TULP3: variants seen among roughly 807,000 people sequenced by gnomAD.
TULP3 encodes tubby-related protein 3.
In TULP3, 38 loss-of-function variants were observed where a neutral mutation model predicts 50.7. The ratio of observed to expected loss-of-function variants is 0.75; its 90% CI spans 0.58 to 0.98. The LOEUF is 0.98. Ranked by LOEUF, TULP3 falls within the 50% of genes least tolerant of loss-of-function variation. The pLI is 0.00. For synonymous variants in TULP3, 183 were observed against 196.6 expected (o/e 0.93, Z 0.58); for missense variants, 550 against 568.0 (o/e 0.97, Z 0.32).
intron 1 of TULP3, among the ~76,000 whole-genome samples, chr12:2,896,424 G>A (rs1035975564): frequency 1.1e-4 from 16 of 148,184 alleles, no homozygotes; most frequent in Non-Finnish European, 2.2e-4. Flanking sequence ...ACCAGAGAAT[G>A]AAATTCCTGT....
At position 2,934,453 on chromosome 12, in the gene TULP3, C is replaced by G; in HGVS notation, c.816C>G (p.Asn272Lys). Residue 272 changes from asparagine to lysine, a missense_variant, in exon 8 of 11, where the codon AAC becomes AAG. Coordinates refer to ENST00000448120, the MANE Select transcript of TULP3 (RefSeq NM_003324.5). ...GESYVGKLRS[N>K]LMGTKFTVYD... ...CTTTTTCTCCTGACTCCAGATCCAA[C>G]CTCATGGGGACCAAGTTTACAGTTT... 1 of 1,581,598 alleles carries G rather than the reference C, an allele frequency of 6.3e-7. No individual in the cohort carries two copies. Among genetic ancestry groups the G allele is most frequent in the Non-Finnish European group, 8.6e-7 (1 of 1,165,500 alleles).
At chr12:2,925,031 G>A (rs959884835) in intron 4 of TULP3, among the ~76,000 whole-genome samples, 1 of 151,996 alleles carries the variant, frequency 6.6e-6, no homozygotes, top group Non-Finnish European at 1.5e-5. Context: ...AGCCAGGTGT[G>A]GTGGCGGGCG....
At chr12:2,932,233 G>A (rs1328893203) in intron 6 of TULP3, among the ~76,000 whole-genome samples, 1 of 152,092 alleles carries the variant, frequency 6.6e-6, no homozygotes, top group Non-Finnish European at 1.5e-5. Context: ...TTCCTGATGT[G>A]CTTCACCAGA....
At position 2,922,305 on chromosome 12, in the gene TULP3, T is replaced by C; in HGVS notation, c.297T>C (p.His99=). 1 of 1,614,208 alleles carries C rather than the reference T, an allele frequency of 6.2e-7. No homozygotes were observed. The highest frequency in any genetic ancestry group is 1.7e-5 in the Admixed American group (1 of 60,024). The change falls in exon 4 of 11, where the codon CAT becomes CAC. Residue 99 remains histidine, a synonymous_variant. Coordinates refer to ENST00000448120, the MANE Select transcript of TULP3 (RefSeq NM_003324.5). ...CTGTCCTGAAACCAGACGAAGTTCA[T>C]GCTCCATCAGTAAGCTCCTCTGTTG... ...PAAVLKPDEV[H]APSVSSSVVE...
chr12:2,905,533 A>T (rs998541363), intron 1 of TULP3, among the ~76,000 whole-genome samples: 2 of 152,204 alleles, frequency 1.3e-5, no homozygotes, highest in Non-Finnish European at 2.9e-5. Context: ...ATAACTTTTT[A>T]AATTATAATT....
intron 9 of TULP3, 48 bp downstream of exon 9, chr12:2,937,777 G>T: frequency 1.7e-5 from 21 of 1,239,356 alleles, no homozygotes; most frequent in Non-Finnish European, 2.2e-5. Context: ...AAAGACAGTA[G>T]TACAATACAC....
At chr12:2,924,840 G>A (rs1056604436) in intron 4 of TULP3, among the ~76,000 whole-genome samples, 4 of 151,618 alleles carry the variant, frequency 2.6e-5, no homozygotes, top group Non-Finnish European at 5.9e-5. Flanking sequence ...TGTGTAGAGT[G>A]AGACCCTGTC....
intron 4 of TULP3, among the ~76,000 whole-genome samples, chr12:2,922,728 T>C (rs906662648): frequency 1.3e-5 from 2 of 152,200 alleles, no homozygotes; most frequent in Non-Finnish European, 2.9e-5. Flanking sequence ...TCAACCCCTC[T>C]ACTCCACCTC....
Position 2,920,744 on chromosome 12 carries a change from C to T in TULP3, c.94-19C>T, listed in dbSNP as rs751075342. On this transcript the variant is annotated intron_variant, in intron 2 of 10. Coordinates refer to ENST00000448120, the MANE Select transcript of TULP3 (RefSeq NM_003324.5). ...TGTCAAAACTCTCCTTGCTGGCTGTCATATCGCTTTTTTCCCAGAGGCTAC... is the reference window on the plus strand; with the variant it reads ...TGTCAAAACTCTCCTTGCTGGCTGTTATATCGCTTTTTTCCCAGAGGCTAC... 2.5e-6 allele frequency: 4 copies of T among 1,613,264 alleles called. No homozygotes were observed. The South Asian group carries it at 4.4e-5, about 18-fold the overall frequency.
At chr12:2,935,984 C>G (rs916531930) in intron 8 of TULP3, among the ~76,000 whole-genome samples, 2 of 148,084 alleles carry the variant, frequency 1.4e-5, no homozygotes, top group African/African-American at 2.5e-5. Flanking sequence ...TAATAATAAT[C>G]GGCCAGGCGT....
chr12:2,929,591 A>T (rs923129115), intron 4 of TULP3, among the ~76,000 whole-genome samples: 1 of 150,882 alleles, frequency 6.6e-6, no homozygotes, highest in Non-Finnish European at 1.5e-5. Flanking sequence ...CCCTGCCTAA[A>T]TTTTTTTTGT....
intron 1 of TULP3, among the ~76,000 whole-genome samples, chr12:2,892,669 G>A (rs923759122): frequency 6.6e-6 from 1 of 151,794 alleles, no homozygotes; most frequent in Admixed American, 6.6e-5. Flanking sequence ...GCGCCACCAC[G>A]CCCAGCTAAT....
chr12:2,936,356 G>C (rs960817295), intron 8 of TULP3, among the ~76,000 whole-genome samples: 1 of 152,072 alleles, frequency 6.6e-6, no homozygotes, highest in African/African-American at 2.4e-5. Context: ...AATTTTCACT[G>C]TATGTAATAT....
In TULP3 at chr12:2,892,776, C is replaced by G. The variant is rs184491339; in HGVS notation, c.41+1788C>G. On this transcript the variant is annotated intron_variant, in intron 1 of 10. Transcript: ENST00000448120. ...CTGCCCACCTCGGCCTCCCAAAGTG[C>G]TGGGATTACAGGCGTGAGCCACTGC... 3.6e-3 allele frequency among the ~76,000 whole-genome samples: 551 copies of G among 152,280 alleles called. 2 individuals are homozygous for G. The highest frequency in any genetic ancestry group is 5.9e-3 in the Non-Finnish European group (401 of 68,014).
intron 4 of TULP3, among the ~76,000 whole-genome samples, chr12:2,925,036 C>T (rs568788758): frequency 1.2e-3 from 175 of 151,846 alleles, no homozygotes; most frequent in Admixed American, 3.2e-3. Flanking sequence ...GGTGTGGTGG[C>T]GGGCGCCTGT....
chr12:2,907,632 A>C, intron 1 of TULP3, among the ~76,000 whole-genome samples: 1 of 149,120 alleles, frequency 6.7e-6, no homozygotes, highest in Admixed American at 6.8e-5. Flanking sequence ...TGGGCAGGAG[A>C]GAGAGACTCT....
chr12:2,936,845 C>T (rs1157134451), intron 8 of TULP3, among the ~76,000 whole-genome samples: 1 of 151,992 alleles, frequency 6.6e-6, no homozygotes, highest in East Asian at 1.9e-4. Context: ...CAGTGGCTCA[C>T]GCCTGTAATC....
chr12:2,910,021 A>G (rs1023805762), intron 2 of TULP3, among the ~76,000 whole-genome samples: 4 of 152,160 alleles, frequency 2.6e-5, no homozygotes, highest in African/African-American at 9.6e-5. Context: ...GGCCGGGCAC[A>G]GTGGCTCACG....
At position 2,940,366 on chromosome 12, in the gene TULP3, C is replaced by A; in HGVS notation, c.*922C>A. The A allele has an allele frequency of 6.9e-7, 1 of 1,451,676 alleles. No individual in the cohort carries two copies. The highest frequency in any genetic ancestry group is 9.0e-7 in the Non-Finnish European group (1 of 1,107,904). The allele number at this position is 1,451,676 out of a possible 1,614,324, so 89.9% of individuals were successfully genotyped here. ...TGGCAGGAGAGGCTTTGGGGAGGATCAGCCAGCAGACATGAGCACTGCTGG... is the reference window on the plus strand; with the variant it reads ...TGGCAGGAGAGGCTTTGGGGAGGATAAGCCAGCAGACATGAGCACTGCTGG... On this transcript the variant is annotated 3_prime_UTR_variant, in exon 11 of 11. Coordinates refer to ENST00000448120, the MANE Select transcript of TULP3 (RefSeq NM_003324.5).
Sources: allele counts gnomAD v4.1 joint callset (sites outside exome capture counted in the v4.1 genomes callset), GRCh38; gene constraint gnomAD v4.1.1; transcripts MANE v1.5; gene names NCBI Gene and HGNC (gene_info 2026-07-23, HGNC 2026-07-21).